CAPNS1: variants seen among roughly 807,000 people sequenced by gnomAD.
CAPNS1 encodes calpain small subunit 1.
Under a neutral mutation model 39.2 loss-of-function variants are expected in CAPNS1, and 32 were observed. That is an observed-to-expected ratio of 0.82 (90% CI 0.62 to 1.10). The LOEUF is 1.10. Ranked by LOEUF, CAPNS1 falls within the 50% of genes least tolerant of loss-of-function variation. CAPNS1 has a pLI of 0.00. For missense variants in CAPNS1, 353 were observed against 373.1 expected (o/e 0.95, Z 0.44); for synonymous variants, 153 against 136.2 (o/e 1.12, Z -0.86).
intron 9 of CAPNS1, among the ~76,000 whole-genome samples, chr19:36,149,188 C>A (rs564751671): frequency 6.6e-6 from 1 of 152,252 alleles, no homozygotes; most frequent in African/African-American, 2.4e-5. Flanking sequence ...TGGGGCATGG[C>A]CCCTCCCTTC....
rs1974498646 is a variant in CAPNS1 at position 36,144,586 on chromosome 19, A to G, written c.457-1220A>G. Among the ~76,000 whole-genome samples, 3 of 152,324 alleles carry G rather than the reference A, an allele frequency of 2.0e-5. No homozygotes were observed. In the South Asian group the frequency reaches 6.2e-4, roughly 32 times the overall value. On this transcript the variant is annotated intron_variant, in intron 6 of 10. Transcript: ENST00000246533. ...TTTTATAGAGAAAAGCTTTCACTAT[A>G]TTGACCTGGCAAGTCTCAAACTCCA...
rs373692548 is a variant in CAPNS1, at chr19:36,140,815, A to G, written c.-15-182A>G. 3.6e-4 allele frequency: 275 copies of G among 757,802 alleles called. 2 individuals are homozygous for G. The African/African-American group carries it at 4.4e-3, about 12-fold the overall frequency. 46.9% of individuals were successfully genotyped at this position (757,802 alleles called of 1,614,324 possible). ...CCACGGGTGCCTTTTAGACCTGAGG[A>G]GGTTGCAAACCTGATCCCCCATACC... On this transcript the variant is annotated intron_variant, in intron 1 of 10. Transcript: ENST00000246533.
At chr19:36,146,990 A>C (rs1974591385) in intron 9 of CAPNS1, among the ~76,000 whole-genome samples, 1 of 152,094 alleles carries the variant, frequency 6.6e-6, no homozygotes, top group South Asian at 2.1e-4. Context: ...GAGTACAGGC[A>C]CACACCGCCA....
intron 9 of CAPNS1, among the ~76,000 whole-genome samples, chr19:36,148,532 TG>T (rs1974658514): frequency 7.5e-6 from 1 of 133,806 alleles, no homozygotes; most frequent in South Asian, 2.3e-4. Flanking sequence ...AAAAAAGGGC[TG>T]GGCATGGTGG....
chr19:36,142,577 C>G, intron 3 of CAPNS1, 75 bp from the exon 4 acceptor site: 1 of 1,226,620 alleles, frequency 8.2e-7, no homozygotes, highest in Non-Finnish European at 1.2e-6. Context: ...ACTTCCCCAC[C>G]CAGGGTACCT....
chr19:36,146,985 C>G (rs1974591094), intron 9 of CAPNS1, among the ~76,000 whole-genome samples: 1 of 152,156 alleles, frequency 6.6e-6, no homozygotes, highest in African/African-American at 2.4e-5. Flanking sequence ...CCTGGGAGTA[C>G]AGGCACACAC....
intron 2 of CAPNS1, 171 bp downstream of exon 2, chr19:36,141,391 G>T: frequency 7.5e-7 from 1 of 1,339,380 alleles, no homozygotes; most frequent in Non-Finnish European, 9.5e-7. Context: ...GTAAGGGGGT[G>T]GACCCCAGTG....
chr19:36,149,475 C>A, intron 9 of CAPNS1, 103 bp from the exon 10 acceptor site: 1 of 1,139,104 alleles, frequency 8.8e-7, no homozygotes, highest in Non-Finnish European at 1.2e-6. Flanking sequence ...CAGTGAAGTG[C>A]CAGCTGCTAT....
In CAPNS1 at chr19:36,149,830, G is replaced by A; in HGVS notation, c.798G>A (p.Met266Ile). The A allele has an allele frequency of 6.7e-7, 1 of 1,484,954 alleles. No individual in the cohort carries two copies. The highest frequency in any genetic ancestry group is 1.4e-5 in the South Asian group (1 of 71,926). The allele number at this position is 1,484,954 out of a possible 1,614,324, so 92.0% of individuals were successfully genotyped here. Residue 266 changes from methionine to isoleucine, a missense_variant, in exon 11 of 11, where the codon ATG (methionine) becomes ATA (isoleucine). Coordinates refer to ENST00000246533, the MANE Select transcript of CAPNS1 (RefSeq NM_001749.4). The part of the protein sequence containing the change: ...VNIQEWLQLT[M>I]YS ...CTCCCCAGTGGCTGCAGCTGACTAT[G>A]TATTCCTGAACTGGAGCCCCAGACC...
chr19:36,145,662 A>T, intron 6 of CAPNS1, 144 bp from the exon 7 acceptor site: 1 of 619,846 alleles, frequency 1.6e-6, no homozygotes, highest in Non-Finnish European at 2.9e-6. Context: ...ATAAAACCGC[A>T]CACCAGGTGA....
Position 36,145,478 on chromosome 19 carries a change from G to C in CAPNS1, c.457-328G>C, listed in dbSNP as rs1215158083. 1.3e-5 allele frequency: 3 copies of C among 230,444 alleles called. No individual in the cohort carries two copies. In the East Asian group the frequency reaches 2.9e-4, roughly 22 times the overall value. 14.3% of individuals were successfully genotyped at this position (230,444 alleles called of 1,614,324 possible). A position where few individuals can be genotyped will look rare whatever the true frequency, so the allele number is the denominator to read the frequency against. On this transcript the variant is annotated intron_variant, in intron 6 of 10. Coordinates refer to ENST00000246533, the MANE Select transcript of CAPNS1 (RefSeq NM_001749.4). ...CTTCGGCCTCCCAAAGTGCTGGATT[G>C]CAGGCGGGAGCCACCGTGCGTGGCC... is the stretch of plus-strand genomic sequence containing the variant.
intron 9 of CAPNS1, among the ~76,000 whole-genome samples, chr19:36,148,693 G>T (rs958387319): frequency 4.6e-5 from 7 of 151,946 alleles, no homozygotes; most frequent in Non-Finnish European, 1.0e-4. Flanking sequence ...CACGCCTGTA[G>T]TCCCAGCTAC....
chr19:36,142,378 C>T (rs776822710), intron 3 of CAPNS1, 45 bp downstream of exon 3: 2 of 1,063,046 alleles, frequency 1.9e-6, no homozygotes, highest in Non-Finnish European at 2.8e-6. Flanking sequence ...GCCAAGGCCT[C>T]TTCGAGGTCC....
At chr19:36,141,443 T>C (rs1164695305) in intron 2 of CAPNS1, 1 of 1,304,356 alleles carries the variant, frequency 7.7e-7, no homozygotes, top group Non-Finnish European at 9.7e-7. Context: ...GATATGGGAG[T>C]AGTCTGATTG....
At chr19:36,149,174 G>C (rs1974683399) in intron 9 of CAPNS1, among the ~76,000 whole-genome samples, 1 of 152,208 alleles carries the variant, frequency 6.6e-6, no homozygotes, top group African/African-American at 2.4e-5. Context: ...CTTGCTATGT[G>C]ACCTGGGGCA....
intron 9 of CAPNS1, among the ~76,000 whole-genome samples, chr19:36,146,697 C>T (rs1482240308): frequency 6.6e-6 from 1 of 152,084 alleles, no homozygotes; most frequent in African/African-American, 2.4e-5. Context: ...AGGGAGGGCT[C>T]ACTGGAGAGG....
At chr19:36,145,776 C>T (rs1443135340) in intron 6 of CAPNS1, 30 bp from the exon 7 acceptor site, 2 of 1,593,832 alleles carry the variant, frequency 1.3e-6, no homozygotes, top group Admixed American at 3.3e-5. Context: ...CTGGGTGTAG[C>T]TGTCACTCTT....
At chr19:36,142,469 G>A in intron 3 of CAPNS1, 136 bp downstream of exon 3, 1 of 686,594 alleles carries the variant, frequency 1.5e-6, no homozygotes, top group Non-Finnish European at 2.6e-6. Flanking sequence ...TGCCGTGTCT[G>A]CAGCTTCGCC....
At chr19:36,145,619 T>G (rs1974535090) in intron 6 of CAPNS1, 187 bp from the exon 7 acceptor site, 1 of 573,164 alleles carries the variant, frequency 1.7e-6, no homozygotes, top group Non-Finnish European at 3.2e-6. Flanking sequence ...TATTTAGAAA[T>G]GTAAGTGACA....
Sources: gnomAD v4.1 joint callset for allele counts (sites outside exome capture counted in the v4.1 genomes callset) on GRCh38, gnomAD v4.1.1 for gene constraint, MANE v1.5 for transcripts, NCBI Gene and HGNC (gene_info 2026-07-23, HGNC 2026-07-21) for gene names.